MVB12B: variants seen among roughly 807,000 people sequenced by gnomAD.
MVB12B encodes the protein ESCRT-I complex subunit MVB12B.
Under a neutral mutation model 41.6 loss-of-function variants are expected in MVB12B, and 16 were observed. The ratio of observed to expected loss-of-function variants is 0.38; its 90% CI spans 0.26 to 0.58. The LOEUF (loss-of-function observed/expected upper bound fraction) is 0.58. Ranked by LOEUF, MVB12B falls within the 20% of genes least tolerant of loss-of-function variation. The probability of loss-of-function intolerance (pLI) is 0.62; values close to 1 mark genes in which losing one functional copy is unlikely to be tolerated. For synonymous variants in MVB12B, 133 were observed against 139.7 expected (o/e 0.95, Z 0.34); for missense variants, 274 against 380.2 (o/e 0.72, Z 2.32).
intron 9 of MVB12B, among the ~76,000 whole-genome samples, chr9:126,497,769 A>C (rs1053271830): frequency 6.6e-5 from 10 of 152,172 alleles, no homozygotes; most frequent in African/African-American, 1.2e-4. Flanking sequence ...AGCCTCTCCA[A>C]TGTCTCTAGA....
At chr9:126,353,048 G>T (rs1447341637) in intron 2 of MVB12B, among the ~76,000 whole-genome samples, 1 of 152,158 alleles carries the variant, frequency 6.6e-6, no homozygotes, top group Non-Finnish European at 1.5e-5. Flanking sequence ...AGGAAGAGGA[G>T]ATGTGGCTGG....
chr9:126,466,094 TAAAC>T (rs1261479220), intron 7 of MVB12B, among the ~76,000 whole-genome samples: 6 of 152,332 alleles, frequency 3.9e-5, no homozygotes, highest in African/African-American at 1.4e-4. Context: ...ACTTAGGGCT[TAAAC>T]CAACCAACAT....
intron 7 of MVB12B, among the ~76,000 whole-genome samples, chr9:126,433,354 A>T (rs906732543): frequency 6.9e-6 from 1 of 145,674 alleles, no homozygotes; most frequent in Non-Finnish European, 1.5e-5. Flanking sequence ...ACCAGGTATC[A>T]AAGAACCTCT....
At chr9:126,368,491 G>A (rs750202800) in intron 2 of MVB12B, among the ~76,000 whole-genome samples, 16 of 152,092 alleles carry the variant, frequency 1.1e-4, no homozygotes, top group Non-Finnish European at 1.6e-4. Flanking sequence ...GGATACCGTG[G>A]TAGAGAGAGG....
intron 9 of MVB12B, among the ~76,000 whole-genome samples, chr9:126,495,494 G>T (rs1297243748): frequency 6.6e-6 from 1 of 152,194 alleles, no homozygotes; most frequent in Non-Finnish European, 1.5e-5. Flanking sequence ...ATAGTCACAA[G>T]TACGAGAAAC....
chr9:126,386,704 C>T lies in MVB12B; in HGVS notation c.409+46C>T. The T allele has an allele frequency of 7.3e-7, 1 of 1,378,440 alleles. No homozygotes were observed. The highest frequency in any genetic ancestry group is 1.0e-6 in the Non-Finnish European group (1 of 968,464). 85.4% of individuals were successfully genotyped at this position (1,378,440 alleles called of 1,614,324 possible). ...ACTCATCACAATGAGCGTTTTCTTC[C>T]TCCAGGTATATTTGTAGGTGTTTTT... On this transcript the variant is annotated intron_variant, in intron 4 of 9. Coordinates refer to ENST00000361171, the MANE Select transcript of MVB12B (RefSeq NM_033446.3). The surrounding 1 kb of genome is among the most constrained non-coding windows in gnomAD (Gnocchi z 4.3).
chr9:126,416,618 G>A (rs1258596232), intron 6 of MVB12B, among the ~76,000 whole-genome samples: 1 of 152,168 alleles, frequency 6.6e-6, no homozygotes, highest in Non-Finnish European at 1.5e-5. Flanking sequence ...AGCTGAATCG[G>A]GGTAACTCTA....
intron 2 of MVB12B, among the ~76,000 whole-genome samples, chr9:126,350,607 G>A (rs1014191729): frequency 6.6e-6 from 1 of 152,172 alleles, no homozygotes; most frequent in African/African-American, 2.4e-5. Flanking sequence ...ATCTCATGGC[G>A]AGGAGACTCA....
Position 126,326,906 on chromosome 9 carries a change from G to A in MVB12B, c.-24G>A, listed in dbSNP as rs1461481008. 1 of 236,902 alleles carries A rather than the reference G, an allele frequency of 4.2e-6. No individual in the cohort carries two copies. Among genetic ancestry groups the A allele is most frequent in the Non-Finnish European group, 8.5e-6 (1 of 118,306 alleles). 14.7% of individuals were successfully genotyped at this position (236,902 alleles called of 1,614,324 possible). On this transcript the variant is annotated 5_prime_UTR_variant, in exon 1 of 10. Coordinates refer to ENST00000361171, the MANE Select transcript of MVB12B (RefSeq NM_033446.3). ...CTCCTGCCGCCTGGGCCCCGGGCCC[G>A]GCCCCTCCCGCGCCGCCCGGGCGAT...
chr9:126,432,289 T>C (rs1177560782), intron 7 of MVB12B, among the ~76,000 whole-genome samples: 1 of 152,244 alleles, frequency 6.6e-6, no homozygotes, highest in African/African-American at 2.4e-5. Flanking sequence ...GGGAACCCCC[T>C]TGAGCCCAGC....
intron 1 of MVB12B, among the ~76,000 whole-genome samples, chr9:126,338,484 G>A: frequency 6.6e-6 from 1 of 151,626 alleles, no homozygotes; most frequent in East Asian, 1.9e-4. Flanking sequence ...ATAAGATACT[G>A]CTTATTCATG....
intron 6 of MVB12B, among the ~76,000 whole-genome samples, chr9:126,400,194 T>C (rs1831230632): frequency 6.6e-6 from 1 of 152,222 alleles, no homozygotes; most frequent in East Asian, 1.9e-4. Context: ...CTGCTGCAGA[T>C]GTCTTAAGGG....
chr9:126,467,508 G>A (rs950354611), intron 7 of MVB12B, among the ~76,000 whole-genome samples: 3 of 152,166 alleles, frequency 2.0e-5, no homozygotes, highest in Non-Finnish European at 4.4e-5. Flanking sequence ...GTAGGCCTAC[G>A]TGAATAACTT....
intron 7 of MVB12B, among the ~76,000 whole-genome samples, chr9:126,431,867 C>T (rs949843100): frequency 6.6e-6 from 1 of 152,120 alleles, no homozygotes. Flanking sequence ...GTAACAATAT[C>T]GATCATTTGA....
At chr9:126,500,363 C>T (rs950453068) in intron 9 of MVB12B, among the ~76,000 whole-genome samples, 1 of 152,278 alleles carries the variant, frequency 6.6e-6, no homozygotes, top group Non-Finnish European at 1.5e-5. Context: ...AAGTGGAGCA[C>T]CTCCAAGCCA....
At chr9:126,373,994 C>G (rs1478573453) in intron 2 of MVB12B, among the ~76,000 whole-genome samples, 2 of 152,200 alleles carry the variant, frequency 1.3e-5, no homozygotes, top group African/African-American at 4.8e-5. Flanking sequence ...AAGTATTGTA[C>G]TTTATAAACC....
At chr9:126,422,861 T>G (rs1297459526) in intron 7 of MVB12B, among the ~76,000 whole-genome samples, 2 of 152,194 alleles carry the variant, frequency 1.3e-5, no homozygotes, top group Non-Finnish European at 2.9e-5. Context: ...CACTCCCTAA[T>G]AGGTTTGGAA....
intron 2 of MVB12B, among the ~76,000 whole-genome samples, chr9:126,347,713 T>C (rs1026663708): frequency 6.6e-6 from 1 of 152,262 alleles, no homozygotes; most frequent in African/African-American, 2.4e-5. Context: ...CATTTTTATA[T>C]AGTGCTCAAG....
intron 7 of MVB12B, among the ~76,000 whole-genome samples, chr9:126,427,948 C>G (rs887204406): frequency 1.9e-5 from 1 of 53,388 alleles, no homozygotes; most frequent in Non-Finnish European, 4.0e-5. Flanking sequence ...CTGCCTTCAG[C>G]TTTTTTTCTT....
Sources: allele counts gnomAD v4.1 joint callset (sites outside exome capture counted in the v4.1 genomes callset), GRCh38; gene constraint gnomAD v4.1.1; non-coding constraint Gnocchi (gnomAD v3.1); transcripts MANE v1.5; gene names NCBI Gene and HGNC (gene_info 2026-07-23, HGNC 2026-07-21).